Variants in CPXM2 observed in about 807,000 individuals in gnomAD.
The protein encoded by CPXM2 is carboxypeptidase X, M14 family member 2.
A neutral mutation model predicts 86.1 loss-of-function variants in CPXM2; 66 were observed. The ratio of observed to expected loss-of-function variants is 0.77; its 90% CI spans 0.63 to 0.94. The LOEUF (loss-of-function observed/expected upper bound fraction) is 0.94. Ranked by LOEUF, CPXM2 falls within the 40% of genes least tolerant of loss-of-function variation. The probability of loss-of-function intolerance (pLI) is 0.00; values close to 1 mark genes in which losing one functional copy is unlikely to be tolerated. For missense variants in CPXM2, 948 were observed against 1,026.3 expected, an observed-to-expected ratio of 0.92 and a Z score of 1.04; for synonymous variants, 388 against 400.2, an observed-to-expected ratio of 0.97 and a Z score of 0.36.
At position 123,842,852 on chromosome 10, in the gene CPXM2, G is replaced by A. The variant is rs573706990; in HGVS notation, c.514-364C>T. ...GTGAATCGTTCCCTCCCAGAACCTC[G>A]CCATCTAGGCAGGAAGAAAGATGTG... is the stretch of plus-strand genomic sequence containing the variant. On this transcript the variant is annotated intron_variant, in intron 3 of 13. Transcript: ENST00000241305. 2.1e-4 allele frequency among the ~76,000 whole-genome samples: 32 copies of A among 152,266 alleles called. No homozygotes were observed. The South Asian group carries it at 2.5e-3, about 12-fold the overall frequency.
intron 4 of CPXM2, among the ~76,000 whole-genome samples, chr10:123,802,721 G>A (rs1157795945): frequency 2.0e-5 from 3 of 152,084 alleles, no homozygotes; most frequent in South Asian, 2.1e-4. Context: ...ATATACCTAC[G>A]TTCAGCCGCA....
At chr10:123,834,193 C>T (rs1848228687) in intron 4 of CPXM2, among the ~76,000 whole-genome samples, 1 of 152,152 alleles carries the variant, frequency 6.6e-6, no homozygotes, top group African/African-American at 2.4e-5. Flanking sequence ...GAGCTGCATC[C>T]CCACAGGACG....
chr10:123,793,159 C>T (rs1847245766), intron 6 of CPXM2, among the ~76,000 whole-genome samples: 1 of 152,076 alleles, frequency 6.6e-6, no homozygotes, highest in East Asian at 1.9e-4. Flanking sequence ...ACCACAGTTG[C>T]TGAGGAGCAA....
intron 2 of CPXM2, among the ~76,000 whole-genome samples, chr10:123,922,879 C>T (rs2134279937): frequency 6.6e-6 from 1 of 152,238 alleles, no homozygotes; most frequent in African/African-American, 2.4e-5. Flanking sequence ...TCACACGAGG[C>T]CAACGTATCA....
At chr10:123,785,860 C>T (rs896293809) in intron 6 of CPXM2, among the ~76,000 whole-genome samples, 1 of 152,114 alleles carries the variant, frequency 6.6e-6, no homozygotes, top group Non-Finnish European at 1.5e-5. Context: ...TTCTCGATCT[C>T]CTGACCTTGT....
chr10:123,907,838 G>A (rs1945456399), intron 2 of CPXM2, among the ~76,000 whole-genome samples: 1 of 151,910 alleles, frequency 6.6e-6, no homozygotes, highest in Admixed American at 6.6e-5. Context: ...GGGGACTAGG[G>A]GGATTGTGCT....
chr10:123,768,361 G>T (rs1042941025), intron 9 of CPXM2, 165 bp downstream of exon 9: 1 of 355,840 alleles, frequency 2.8e-6, no homozygotes, highest in Non-Finnish European at 4.7e-6. Flanking sequence ...GCAACAGAGG[G>T]AGACTCCGAC....
At chr10:123,924,374 G>T (rs1315926924) in intron 2 of CPXM2, among the ~76,000 whole-genome samples, 1 of 152,162 alleles carries the variant, frequency 6.6e-6, no homozygotes, top group Non-Finnish European at 1.5e-5. Flanking sequence ...CTCTCCTTAG[G>T]TTCCATAGTT....
At chr10:123,870,007 C>A (rs924657374) in intron 2 of CPXM2, among the ~76,000 whole-genome samples, 1 of 152,000 alleles carries the variant, frequency 6.6e-6, no homozygotes, top group Non-Finnish European at 1.5e-5. Context: ...CGTTATGAGT[C>A]GTGTCATGAA....
chr10:123,792,211 A>G (rs375149235), intron 6 of CPXM2, among the ~76,000 whole-genome samples: 2 of 152,306 alleles, frequency 1.3e-5, no homozygotes, highest in African/African-American at 4.8e-5. Context: ...GCAGCCACAG[A>G]ACAAAATAGC....
intron 4 of CPXM2, among the ~76,000 whole-genome samples, chr10:123,799,686 G>A (rs1002883319): frequency 1.3e-5 from 2 of 152,192 alleles, no homozygotes; most frequent in African/African-American, 2.4e-5. Context: ...AAAATAAAAT[G>A]TTGAGTCTCT....
At chr10:123,750,726 G>T in intron 13 of CPXM2, 1 of 985,366 alleles carries the variant, frequency 1.0e-6, no homozygotes, top group South Asian at 4.7e-5. Flanking sequence ...TGAATACAAC[G>T]ATCAGGACTG....
At chr10:123,875,807 C>CTTTTTTT (rs780970130) in intron 2 of CPXM2, among the ~76,000 whole-genome samples, 37 of 84,670 alleles carry the variant, frequency 4.4e-4, no homozygotes, top group African/African-American at 6.8e-4. Context: ...TCTTTTCTTT[C>CTTTTTTT]TTTTTTTTTT....
intron 2 of CPXM2, among the ~76,000 whole-genome samples, chr10:123,863,803 C>G (rs370766490): frequency 2.0e-5 from 3 of 152,232 alleles, no homozygotes; most frequent in Admixed American, 1.3e-4. Flanking sequence ...ATCCCACACC[C>G]CGTCACTCTC....
chr10:123,791,224 A>C (rs1484704163), intron 6 of CPXM2, among the ~76,000 whole-genome samples: 4 of 152,000 alleles, frequency 2.6e-5, no homozygotes, highest in Non-Finnish European at 5.9e-5. Context: ...GACCAGCCTG[A>C]CCAACATGGA....
At chr10:123,917,203 C>T (rs1377120181) in intron 2 of CPXM2, among the ~76,000 whole-genome samples, 2 of 152,194 alleles carry the variant, frequency 1.3e-5, no homozygotes, top group Admixed American at 6.5e-5. Context: ...CCAAATCTCC[C>T]TTAACATCTC....
intron 2 of CPXM2, among the ~76,000 whole-genome samples, chr10:123,870,844 G>T (rs1023716352): frequency 2.6e-5 from 4 of 152,174 alleles, no homozygotes; most frequent in African/African-American, 9.7e-5. Context: ...CTGATCAATA[G>T]GCTAGCAAAG....
chr10:123,770,393 T>C lies in CPXM2; in HGVS notation c.1102+523A>G, dbSNP rs559361906. On this transcript the variant is annotated intron_variant, in intron 8 of 13. Transcript: ENST00000241305. ...TCAGCCAAATCTTTGCACCTAAATA[T>C]CAGCAGATTTCTAAACAGCTCCCAG... Among the ~76,000 whole-genome samples, 60 of 152,238 alleles carry C rather than the reference T, an allele frequency of 3.9e-4. 1 individual carries two copies. The highest frequency in any genetic ancestry group is 4.4e-4 in the Non-Finnish European group (30 of 68,016).
At chr10:123,855,692 G>T (rs1848707522) in intron 3 of CPXM2, among the ~76,000 whole-genome samples, 1 of 152,172 alleles carries the variant, frequency 6.6e-6, no homozygotes, top group South Asian at 2.1e-4. Flanking sequence ...CTTCATGCGG[G>T]GGTACAAATG....
Sources: gnomAD v4.1 joint callset for allele counts (sites outside exome capture counted in the v4.1 genomes callset) on GRCh38, gnomAD v4.1.1 for gene constraint, MANE v1.5 for transcripts, NCBI Gene and HGNC (gene_info 2026-07-23, HGNC 2026-07-21) for gene names.